RYR3: variants seen among roughly 807,000 people sequenced by gnomAD.
RYR3 encodes ryanodine receptor 3.
Under a neutral mutation model 584.3 loss-of-function variants are expected in RYR3, and 207 were observed. The ratio of observed to expected loss-of-function variants is 0.35; its 90% CI spans 0.32 to 0.40. The LOEUF is 0.40. RYR3 is among the 10% of genes least tolerant of loss of function. The pLI, the probability that RYR3 is intolerant of heterozygous loss-of-function variation, is 1.00. For synonymous variants in RYR3, 2,416 were observed against 2,248.5 expected, an observed-to-expected ratio of 1.07 and a Z score of -2.11; for missense variants, 5,616 against 6,089.2, an observed-to-expected ratio of 0.92 and a Z score of 2.59.
chr15:33,695,270 T>G (rs1323862044), intron 38 of RYR3, among the ~76,000 whole-genome samples: 2 of 152,326 alleles, frequency 1.3e-5, no homozygotes, highest in African/African-American at 4.8e-5. Flanking sequence ...GGGTAAGCAG[T>G]GCCTTCCCGG....
At chr15:33,738,621 A>G (rs2069749600) in intron 50 of RYR3, 31 bp downstream of exon 50, 2 of 1,612,040 alleles carry the variant, frequency 1.2e-6, no homozygotes, top group African/African-American at 2.7e-5. Flanking sequence ...ACAAAAAGAG[A>G]GCATCTCAGT....
intron 91 of RYR3, among the ~76,000 whole-genome samples, chr15:33,842,774 C>A (rs528979197): frequency 6.6e-6 from 1 of 152,312 alleles, no homozygotes; most frequent in South Asian, 2.1e-4. Flanking sequence ...TTGCCAGGGT[C>A]TTCTGCGAGC....
intron 1 of RYR3, among the ~76,000 whole-genome samples, chr15:33,379,509 A>G (rs1408780642): frequency 1.3e-5 from 2 of 151,946 alleles, no homozygotes; most frequent in Non-Finnish European, 2.9e-5. Context: ...CGATTTCATT[A>G]CTCTTCAGTG....
intron 38 of RYR3, among the ~76,000 whole-genome samples, chr15:33,688,233 A>C (rs1724698225): frequency 6.6e-6 from 1 of 152,078 alleles, no homozygotes; most frequent in Non-Finnish European, 1.5e-5. Flanking sequence ...AAACAACCCC[A>C]TCAAAAAAAT....
At chr15:33,689,707 G>T (rs117304328) in intron 38 of RYR3, among the ~76,000 whole-genome samples, 12 of 152,238 alleles carry the variant, frequency 7.9e-5, no homozygotes, top group Non-Finnish European at 1.8e-4. Context: ...AGATCTTATT[G>T]TTTCTCTTCT....
chr15:33,644,728 A>C (rs1316336999), intron 28 of RYR3, among the ~76,000 whole-genome samples: 1 of 152,224 alleles, frequency 6.6e-6, no homozygotes, highest in Non-Finnish European at 1.5e-5. Flanking sequence ...TCAGCCTTGC[A>C]CATAAAACCT....
intron 47 of RYR3, 93 bp from the exon 48 acceptor site, chr15:33,731,381 C>A: frequency 1.2e-6 from 1 of 823,456 alleles, no homozygotes; most frequent in Non-Finnish European, 2.0e-6. Flanking sequence ...CATATATAAG[C>A]TCCCACAGCT....
At chr15:33,592,152 C>T (rs1345733452) in intron 16 of RYR3, among the ~76,000 whole-genome samples, 5 of 152,286 alleles carry the variant, frequency 3.3e-5, no homozygotes, top group Middle Eastern at 3.4e-3. Flanking sequence ...CACACAACCC[C>T]GTATTGTCAG....
At chr15:33,682,103 A>T (rs1162925819) in intron 38 of RYR3, among the ~76,000 whole-genome samples, 2 of 152,192 alleles carry the variant, frequency 1.3e-5, no homozygotes, top group African/African-American at 4.8e-5. Context: ...TTACCATTTA[A>T]AAAGGAGTTA....
chr15:33,698,048 C>T (rs2065984591), intron 40 of RYR3, 52 bp downstream of exon 40: 4 of 1,323,490 alleles, frequency 3.0e-6, no homozygotes, highest in South Asian at 1.2e-5. Context: ...GGCAGGAGCA[C>T]GAGGTGACTT....
chr15:33,464,503 T>TATATATATATATATATATAC (rs1180164194), intron 1 of RYR3, among the ~76,000 whole-genome samples: 11 of 105,924 alleles, frequency 1.0e-4, no homozygotes, highest in Non-Finnish European at 1.4e-4. Flanking sequence ...CATATATATA[T>TATATATATATATATATATAC]ACATACACAT....
At chr15:33,609,649 T>C (rs1477149867) in intron 18 of RYR3, among the ~76,000 whole-genome samples, 1 of 152,042 alleles carries the variant, frequency 6.6e-6, no homozygotes, top group Non-Finnish European at 1.5e-5. Flanking sequence ...TAAAACTCTG[T>C]CTCAAAAAAA....
chr15:33,722,960 A>T, intron 44 of RYR3, 65 bp downstream of exon 44: 1 of 1,387,734 alleles, frequency 7.2e-7, no homozygotes, highest in Non-Finnish European at 9.8e-7. Context: ...TTATTGGTAT[A>T]CGGATGATTT....
chr15:33,430,623 G>A (rs1409514688), intron 1 of RYR3, among the ~76,000 whole-genome samples: 1 of 152,150 alleles, frequency 6.6e-6, no homozygotes, highest in Non-Finnish European at 1.5e-5. Flanking sequence ...TCCATTTGGT[G>A]GCGATGTGGG....
At chr15:33,394,815 C>T (rs147728840) in intron 1 of RYR3, among the ~76,000 whole-genome samples, 1 of 152,140 alleles carries the variant, frequency 6.6e-6, no homozygotes, top group African/African-American at 2.4e-5. Flanking sequence ...AGGACAATCA[C>T]AAGAGGGAGA....
At chr15:33,722,580 C>T (rs1386189252) in intron 43 of RYR3, 135 bp from the exon 44 acceptor site, 7 of 782,432 alleles carry the variant, frequency 8.9e-6, no homozygotes, top group African/African-American at 3.5e-5. Flanking sequence ...TCCCACTGCC[C>T]ACTTGACTGG....
chr15:33,762,467 C>A (rs573389385), intron 60 of RYR3, among the ~76,000 whole-genome samples: 38 of 152,146 alleles, frequency 2.5e-4, no homozygotes, highest in Non-Finnish European at 4.4e-4. Context: ...CAATAATAAA[C>A]AAAACAGAGA....
intron 1 of RYR3, among the ~76,000 whole-genome samples, chr15:33,450,624 T>C (rs2047050788): frequency 6.6e-6 from 1 of 151,810 alleles, no homozygotes; most frequent in Admixed American, 6.6e-5. Context: ...TTTAATACAA[T>C]GTCAGCTTAT....
At chr15:33,581,063 A>C in intron 13 of RYR3, among the ~76,000 whole-genome samples, 1 of 152,024 alleles carries the variant, frequency 6.6e-6, no homozygotes, top group African/African-American at 2.4e-5. Context: ...GTGGGGAGGT[A>C]GGAAGCAAGC....
Sources: allele counts gnomAD v4.1 joint callset (sites outside exome capture counted in the v4.1 genomes callset), GRCh38; gene constraint gnomAD v4.1.1; transcripts MANE v1.5; gene names NCBI Gene and HGNC (gene_info 2026-07-23, HGNC 2026-07-21).